Variants in DSCAM observed in about 807,000 individuals in gnomAD.
DSCAM encodes DS cell adhesion molecule, also known as cell adhesion molecule DSCAM.
DSCAM carries 47 observed loss-of-function variants against 217.7 expected under a neutral mutation model. The observed-to-expected ratio is 0.22, with a 90% CI of 0.17 to 0.28. The LOEUF is 0.28. Ranked by LOEUF, DSCAM falls within the 10% of genes least tolerant of loss-of-function variation. The pLI, the probability that DSCAM is intolerant of heterozygous loss-of-function variation, is 1.00. For synonymous variants in DSCAM, 1,056 were observed against 1,015.3 expected (o/e 1.04, Z -0.76); for missense variants, 2,080 against 2,618.3 (o/e 0.79, Z 4.49).
At chr21:40,021,293 A>C (rs2088267472) in intron 32 of DSCAM, among the ~76,000 whole-genome samples, 2 of 152,002 alleles carry the variant, frequency 1.3e-5, no homozygotes, top group South Asian at 2.1e-4. Context: ...CAAATAGAGA[A>C]GGGAAAAGGG....
At chr21:40,618,581 G>A (rs1336823437) in intron 3 of DSCAM, 1 of 151,856 alleles carries the variant, frequency 6.6e-6, no homozygotes, top group African/African-American at 2.4e-5. Flanking sequence ...AATATAATAA[G>A]TTCCTAAAAG....
intron 3 of DSCAM, among the ~76,000 whole-genome samples, chr21:40,545,031 G>A (rs570734963): frequency 2.0e-5 from 3 of 152,254 alleles, no homozygotes; most frequent in South Asian, 4.1e-4. Flanking sequence ...AGGGTATTAG[G>A]AGGTAGGACT....
intron 11 of DSCAM, among the ~76,000 whole-genome samples, chr21:40,262,953 T>C (rs2073474089): frequency 6.6e-6 from 1 of 152,244 alleles, no homozygotes; most frequent in African/African-American, 2.4e-5. Flanking sequence ...CATGAGGCTG[T>C]TAATTTTGCA....
At position 40,197,356 on chromosome 21, in the gene DSCAM, G is replaced by A. The variant is rs184730458; in HGVS notation, c.2357-8118C>T. Among the ~76,000 whole-genome samples the A allele has an allele frequency of 1.5e-4, 23 of 152,052 alleles. No individual in the cohort carries two copies. In the East Asian group the frequency reaches 3.5e-3, roughly 23 times the overall value. ...GATGGTCTCGATCTCCTGACCTTGC[G>A]ATCCACCCACCTCGGCCTCCCAAAG... On this transcript the variant is annotated intron_variant, in intron 11 of 32. Coordinates refer to ENST00000400454, the MANE Select transcript of DSCAM (RefSeq NM_001389.5).
At chr21:40,622,073 A>G (rs1200955016) in intron 3 of DSCAM, among the ~76,000 whole-genome samples, 2 of 152,158 alleles carry the variant, frequency 1.3e-5, no homozygotes, top group Admixed American at 6.5e-5. Context: ...TCTAGAAAAG[A>G]CAAAAGACTT....
chr21:40,133,626 AG>A (rs2090176626), intron 19 of DSCAM, among the ~76,000 whole-genome samples: 1 of 150,466 alleles, frequency 6.6e-6, no homozygotes, highest in Admixed American at 6.7e-5. Context: ...ACAAAAAAAA[AG>A]AAAAGAAAGA....
chr21:40,536,452 A>G (rs952255051), intron 3 of DSCAM, among the ~76,000 whole-genome samples: 56 of 133,816 alleles, frequency 4.2e-4, no homozygotes, highest in Non-Finnish European at 2.3e-4. Context: ...CCCAGGCTGG[A>G]GTGCAGTGGC....
At position 40,411,236 on chromosome 21, in the gene DSCAM, G is replaced by A. The variant is rs897909441; in HGVS notation, c.509-41991C>T. On this transcript the variant is annotated intron_variant, in intron 3 of 32. Coordinates refer to ENST00000400454, the MANE Select transcript of DSCAM (RefSeq NM_001389.5). ...CACACACACACACTGAATTGTAGGG[G>A]AAAACAAACAAGCAAACAATAACAA... Among the ~76,000 whole-genome samples, 4 of 146,454 alleles carry A rather than the reference G, an allele frequency of 2.7e-5. No individual in the cohort carries two copies. The East Asian group carries it at 8.0e-4, about 29-fold the overall frequency.
intron 1 of DSCAM, among the ~76,000 whole-genome samples, chr21:40,818,181 C>T (rs562512423): frequency 3.3e-5 from 5 of 151,546 alleles, no homozygotes; most frequent in South Asian, 2.1e-4. Context: ...AAGGGACATC[C>T]GCCTGTCCCT....
At chr21:40,702,111 T>C (rs1272758272) in intron 2 of DSCAM, among the ~76,000 whole-genome samples, 1 of 152,194 alleles carries the variant, frequency 6.6e-6, no homozygotes, top group Non-Finnish European at 1.5e-5. Flanking sequence ...TGAAGTTTTG[T>C]TGTTGGGTAC....
intron 3 of DSCAM, among the ~76,000 whole-genome samples, chr21:40,683,658 G>A (rs1023536850): frequency 5.9e-5 from 9 of 152,120 alleles, no homozygotes; most frequent in Non-Finnish European, 1.2e-4. Context: ...AGGGCAGCAC[G>A]GTGGGAGGCT....
intron 3 of DSCAM, among the ~76,000 whole-genome samples, chr21:40,479,242 G>C (rs2075962273): frequency 6.6e-6 from 1 of 152,140 alleles, no homozygotes; most frequent in African/African-American, 2.4e-5. Context: ...TCACCACTCA[G>C]GTCCATTGGA....
At chr21:40,374,721 T>C (rs1379262212) in intron 3 of DSCAM, among the ~76,000 whole-genome samples, 2 of 152,162 alleles carry the variant, frequency 1.3e-5, no homozygotes, top group African/African-American at 4.8e-5. Flanking sequence ...AGTAATTAGG[T>C]ATAGGTGTGA....
intron 11 of DSCAM, among the ~76,000 whole-genome samples, chr21:40,243,301 T>C (rs1342516733): frequency 6.6e-6 from 1 of 152,184 alleles, no homozygotes; most frequent in Non-Finnish European, 1.5e-5. Context: ...AATTTCAGTC[T>C]TTGTGGGAGG....
At chr21:40,233,665 G>A (rs1004642772) in intron 11 of DSCAM, among the ~76,000 whole-genome samples, 2 of 152,068 alleles carry the variant, frequency 1.3e-5, no homozygotes, top group African/African-American at 4.8e-5. Flanking sequence ...ATAACCTGGT[G>A]TATGCCCTTT....
At chr21:40,262,935 C>T (rs1318201478) in intron 11 of DSCAM, among the ~76,000 whole-genome samples, 2 of 152,160 alleles carry the variant, frequency 1.3e-5, no homozygotes, top group Non-Finnish European at 2.9e-5. Flanking sequence ...TGCCATTGGC[C>T]ATCTCACCAT....
intron 11 of DSCAM, among the ~76,000 whole-genome samples, chr21:40,209,401 C>T (rs539309526): frequency 3.9e-5 from 6 of 152,024 alleles, no homozygotes; most frequent in Admixed American, 2.0e-4. Flanking sequence ...AAGACTCCTA[C>T]ATTTCTGTTC....
At chr21:40,175,555 G>C (rs925132376) in intron 15 of DSCAM, among the ~76,000 whole-genome samples, 1 of 152,026 alleles carries the variant, frequency 6.6e-6, no homozygotes, top group East Asian at 1.9e-4. Context: ...GGCAGAAGGG[G>C]TAAGTGATCT....
intron 18 of DSCAM, 109 bp from the exon 19 acceptor site, chr21:40,134,118 C>T: frequency 7.3e-7 from 1 of 1,368,076 alleles, no homozygotes; most frequent in Non-Finnish European, 9.8e-7. Context: ...ACCCGTCCAG[C>T]CATCATCTGG....
Sources: allele counts gnomAD v4.1 joint callset (sites outside exome capture counted in the v4.1 genomes callset), GRCh38; gene constraint gnomAD v4.1.1; transcripts MANE v1.5; gene names NCBI Gene and HGNC (gene_info 2026-07-23, HGNC 2026-07-21).